The following DLC1 variants were observed in gnomAD, a reference collection of about 807,000 sequenced individuals.
DLC1 encodes rho GTPase-activating protein 7.
Under a neutral mutation model 140.3 loss-of-function variants are expected in DLC1, and 54 were observed. The ratio of observed to expected loss-of-function variants is 0.38; its 90% CI spans 0.31 to 0.48. DLC1 has a LOEUF of 0.48. Among genes scored for constraint, DLC1 ranks in the 20% least tolerant of loss-of-function variants. DLC1 has a pLI of 0.96. For synonymous variants in DLC1, 986 were observed against 728.1 expected (o/e 1.35, Z -5.70); for missense variants, 2,536 against 1,907.0 (o/e 1.33, Z -6.14).
intron 1 of DLC1, among the ~76,000 whole-genome samples, chr8:13,503,719 C>A (rs2117218716): frequency 6.6e-6 from 1 of 152,228 alleles, no homozygotes; most frequent in Non-Finnish European, 1.5e-5. Flanking sequence ...TATTTAGTAC[C>A]CAGTGAGTGG....
At chr8:13,267,895 T>C (rs889972344) in intron 5 of DLC1, among the ~76,000 whole-genome samples, 2 of 152,160 alleles carry the variant, frequency 1.3e-5, no homozygotes, top group African/African-American at 4.8e-5. Flanking sequence ...AGCAATAATA[T>C]GCCATGTCTT....
At chr8:13,095,922 T>C (rs951019853) in intron 10 of DLC1, 2 of 152,102 alleles carry the variant, frequency 1.3e-5, no homozygotes, top group Non-Finnish European at 2.9e-5. Context: ...CCGGAGAACA[T>C]TACATCTTTA....
intron 1 of DLC1, among the ~76,000 whole-genome samples, chr8:13,599,369 C>T (rs1404552347): frequency 1.3e-5 from 2 of 151,636 alleles, no homozygotes; most frequent in African/African-American, 4.8e-5. Context: ...AGAAAGAAAA[C>T]CTGTACAAAT....
chr8:13,398,633 G>A (rs1329679160), intron 3 of DLC1, among the ~76,000 whole-genome samples: 1 of 140,594 alleles, frequency 7.1e-6, no homozygotes, highest in Non-Finnish European at 1.5e-5. Flanking sequence ...AAATTAGCCA[G>A]CCATGGCGAT....
chr8:13,206,835 C>G (rs955658201), intron 5 of DLC1, among the ~76,000 whole-genome samples: 2 of 151,978 alleles, frequency 1.3e-5, no homozygotes, highest in East Asian at 1.9e-4. Context: ...GAGCAAAGAA[C>G]TCGAACAGCA....
intron 5 of DLC1, among the ~76,000 whole-genome samples, chr8:13,147,803 C>T (rs1242872350): frequency 6.6e-6 from 1 of 152,082 alleles, no homozygotes; most frequent in Admixed American, 6.6e-5. Context: ...TCCTGGCCAA[C>T]ATGGTGAAAC....
intron 1 of DLC1, among the ~76,000 whole-genome samples, chr8:13,588,018 A>T (rs144461917): frequency 0.011 from 1,676 of 152,196 alleles, 27 homozygotes; most frequent in African/African-American, 0.038. Context: ...CCTTTATTAT[A>T]TAGGTCCTAC....
intron 2 of DLC1, among the ~76,000 whole-genome samples, chr8:13,476,985 C>T (rs1340157655): frequency 2.6e-5 from 4 of 152,194 alleles, no homozygotes; most frequent in Admixed American, 2.6e-4. Context: ...TTTTCTCCTA[C>T]ATCAACCTTA....
chr8:13,427,094 A>AATG (rs1300389327), intron 2 of DLC1, among the ~76,000 whole-genome samples: 2 of 151,934 alleles, frequency 1.3e-5, no homozygotes, highest in Non-Finnish European at 2.9e-5. Context: ...TCATTTTAGA[A>AATG]ATGTGTCTTT....
At chr8:13,472,626 C>A (rs1234954341) in intron 2 of DLC1, among the ~76,000 whole-genome samples, 2 of 152,150 alleles carry the variant, frequency 1.3e-5, no homozygotes, top group Non-Finnish European at 2.9e-5. Flanking sequence ...TGGGAAGAAC[C>A]AGCCTTGGGC....
chr8:13,448,995 A>T (rs1798923473), intron 2 of DLC1, among the ~76,000 whole-genome samples: 1 of 152,092 alleles, frequency 6.6e-6, no homozygotes, highest in African/African-American at 2.4e-5. Flanking sequence ...GAACAGGAGA[A>T]ACTCTGTCAG....
intron 1 of DLC1, among the ~76,000 whole-genome samples, chr8:13,597,542 G>A (rs1190160117): frequency 6.6e-6 from 1 of 151,970 alleles, no homozygotes; most frequent in Non-Finnish European, 1.5e-5. Flanking sequence ...ATTAAAGCTA[G>A]CAAGTCTTAT....
In DLC1 at chr8:13,088,608, G is replaced by A; in HGVS notation, c.4171C>T (p.Leu1391Phe). 2 of 1,614,144 alleles carry A rather than the reference G, an allele frequency of 1.2e-6. No homozygotes were observed. The highest frequency in any genetic ancestry group is 1.7e-6 in the Non-Finnish European group (2 of 1,180,044). ...ILKRLLKEQH[L>F]WDVDLLDSKV... is the part of the protein sequence containing the mutation. ...GAATCCAACAGGTCTACATCCCAGA[G>A]GTGCTGTTCTTTAAGTAGGCGCTTT... is the stretch of plus-strand genomic sequence containing the variant. The change falls in exon 16 of 18, where the codon CTC becomes TTC. Residue 1391 changes from leucine (L) to phenylalanine (F), a missense_variant. Physicochemically the swap from Leu to Phe is conservative, Grantham distance 22. Coordinates refer to ENST00000276297, the MANE Select transcript of DLC1 (RefSeq NM_182643.3).
rs114064704 is a variant in DLC1, at chr8:13,305,548, T to C, written c.1315-246A>G. On this transcript the variant is annotated intron_variant, in intron 4 of 17. Coordinates refer to ENST00000276297, the MANE Select transcript of DLC1 (RefSeq NM_182643.3). ...TGCACATCCATATTATCTTTAACAC[T>C]GGCAATAGGCTGGGTGTGGTGGTTC... 9.9e-3 allele frequency among the ~76,000 whole-genome samples: 1,514 copies of C among 152,260 alleles called. 22 individuals are homozygous for C. Among genetic ancestry groups the C allele is most frequent in the African/African-American group, 0.034 (1,418 of 41,572 alleles).
At chr8:13,092,004 T>G (rs1818116730) in intron 13 of DLC1, among the ~76,000 whole-genome samples, 1 of 152,164 alleles carries the variant, frequency 6.6e-6, no homozygotes, top group Non-Finnish European at 1.5e-5. Flanking sequence ...CCCAGCACTT[T>G]GGGAGGCTAA....
chr8:13,191,261 C>T (rs1484802230), intron 5 of DLC1, among the ~76,000 whole-genome samples: 1 of 152,182 alleles, frequency 6.6e-6, no homozygotes, highest in Non-Finnish European at 1.5e-5. Flanking sequence ...AATCCCAGCA[C>T]TTTGGGAGGT....
At chr8:13,356,849 T>C (rs1834963296) in intron 4 of DLC1, among the ~76,000 whole-genome samples, 1 of 151,606 alleles carries the variant, frequency 6.6e-6, no homozygotes, top group Non-Finnish European at 1.5e-5. Context: ...TTTATTATTT[T>C]TTTATTTTTT....
chr8:13,213,147 A>G lies in DLC1; in HGVS notation c.1348+92122T>C, dbSNP rs556352978. ...TTCTGCATGATAATATCAACATTAAATATACACAGATAAGGAATTTATAGG... is the reference window on the plus strand; with the variant it reads ...TTCTGCATGATAATATCAACATTAAGTATACACAGATAAGGAATTTATAGG... On this transcript the variant is annotated intron_variant, in intron 5 of 17. Coordinates refer to ENST00000276297, the MANE Select transcript of DLC1 (RefSeq NM_182643.3). Among the ~76,000 whole-genome samples, 4 of 152,314 alleles carry G rather than the reference A, an allele frequency of 2.6e-5. No homozygotes were observed. In the South Asian group the frequency reaches 8.3e-4, roughly 32 times the overall value.
At chr8:13,604,280 T>A (rs547466314) in intron 1 of DLC1, among the ~76,000 whole-genome samples, 1 of 152,288 alleles carries the variant, frequency 6.6e-6, no homozygotes, top group East Asian at 1.9e-4. Flanking sequence ...TATGTCATAT[T>A]TCCATGAGAA....
Sources: allele counts gnomAD v4.1 joint callset (sites outside exome capture counted in the v4.1 genomes callset), GRCh38; gene constraint gnomAD v4.1.1; transcripts MANE v1.5; gene names NCBI Gene and HGNC (gene_info 2026-07-23, HGNC 2026-07-21).